RNF152: variants seen among roughly 807,000 people sequenced by gnomAD.
RNF152 encodes E3 ubiquitin-protein ligase RNF152.
Under a neutral mutation model 12.7 loss-of-function variants are expected in RNF152, and 11 were observed. The observed-to-expected ratio is 0.86, with a 90% CI of 0.54 to 1.43. The LOEUF (loss-of-function observed/expected upper bound fraction) is 1.43, where lower values mean the gene tolerates loss of function less well. RNF152 is among the 40% of genes most tolerant of loss of function. The pLI, the probability that RNF152 is intolerant of heterozygous loss-of-function variation, is 0.00. For missense variants in RNF152, 255 were observed against 274.8 expected (o/e 0.93, Z 0.51); for synonymous variants, 113 against 120.3 (o/e 0.94, Z 0.40).
rs766666716 is a variant in RNF152, at chr18:61,816,297, C to T, written c.167G>A (p.Gly56Asp). The T allele has an allele frequency of 9.3e-6, 15 of 1,614,082 alleles. 1 individual carries two copies. The highest frequency in any genetic ancestry group is 4.4e-5 in the South Asian group (4 of 91,076). ...GAAGCCGGGAGGCAGCTTGGTGACACCGCGGCACCAGGGGCACCGCACATC... is the reference window on the plus strand; with the variant it reads ...GAAGCCGGGAGGCAGCTTGGTGACATCGCGGCACCAGGGGCACCGCACATC... ...QKDVRCPWCRGVTKLPPGFSV... is the reference protein window; with the variant it reads ...QKDVRCPWCRDVTKLPPGFSV... The change falls in exon 2 of 2, where the codon GGT becomes GAT. Residue 56 changes from glycine (G) to aspartate (D), a missense_variant. Physicochemically the swap from Gly to Asp is moderately conservative, Grantham distance 94. Coordinates refer to ENST00000312828, the MANE Select transcript of RNF152 (RefSeq NM_173557.3).
At chr18:61,861,221 C>G (rs1376883892) in intron 1 of RNF152, among the ~76,000 whole-genome samples, 1 of 152,222 alleles carries the variant, frequency 6.6e-6, no homozygotes, top group African/African-American at 2.4e-5. Context: ...TCCTGAATCA[C>G]TCAGAGCAAC....
chr18:61,857,425 C>A (rs1399363879), intron 1 of RNF152, among the ~76,000 whole-genome samples: 2 of 152,126 alleles, frequency 1.3e-5, no homozygotes, highest in Non-Finnish European at 2.9e-5. Context: ...TGCTTTAGAA[C>A]CTTTAGGGCC....
At chr18:61,872,021 G>T (rs1185533345) in intron 1 of RNF152, among the ~76,000 whole-genome samples, 1 of 152,158 alleles carries the variant, frequency 6.6e-6, no homozygotes, top group Non-Finnish European at 1.5e-5. Context: ...TCACGGTTCT[G>T]CAGGCTGTAC....
At chr18:61,884,444 CAA>C (rs79002370) in intron 1 of RNF152, among the ~76,000 whole-genome samples, 76,549 of 137,620 alleles carry the variant, frequency 0.56, 19,519 homozygotes, top group East Asian at 0.76. Context: ...TTTGCCATTA[CAA>C]AAAAAAAAAA....
At chr18:61,881,321 A>G (rs1327105377) in intron 1 of RNF152, among the ~76,000 whole-genome samples, 3 of 152,212 alleles carry the variant, frequency 2.0e-5, no homozygotes, top group Non-Finnish European at 4.4e-5. Flanking sequence ...ACCTGGCACT[A>G]AAAAGCCTCA....
chr18:61,842,859 G>C (rs1331851521), intron 1 of RNF152, among the ~76,000 whole-genome samples: 1 of 152,118 alleles, frequency 6.6e-6, no homozygotes, highest in East Asian at 1.9e-4. Context: ...CACAAGAACA[G>C]CACGGGAAAG....
At chr18:61,862,672 T>A (rs963930610) in intron 1 of RNF152, among the ~76,000 whole-genome samples, 3 of 152,140 alleles carry the variant, frequency 2.0e-5, no homozygotes, top group Non-Finnish European at 4.4e-5. Flanking sequence ...TCACCCCACG[T>A]GTCTCTTCAT....
At position 61,827,022 on chromosome 18, in the gene RNF152, A is replaced by G. The variant is rs117083278; in HGVS notation, c.-135-10424T>C. 8.6e-4 allele frequency among the ~76,000 whole-genome samples: 131 copies of G among 152,362 alleles called. 1 individual carries two copies. In the East Asian group the frequency reaches 0.023, roughly 26 times the overall value. ...GTCAAATCTTTCTTCATTCTTTGAAATATGGATCTATTATTTCAACAATAT... is the reference window on the plus strand; with the variant it reads ...GTCAAATCTTTCTTCATTCTTTGAAGTATGGATCTATTATTTCAACAATAT... On this transcript the variant is annotated intron_variant, in intron 1 of 1. Transcript: ENST00000312828.
rs1189649140 is a variant in RNF152 at position 61,810,975 on chromosome 18, T to G, written c.*4877A>C. ...GATAGAAATTGAAGTCTTTTGTGTA[T>G]CACTCCTTTTGCACCGATAACTTTT... On this transcript the variant is annotated 3_prime_UTR_variant, in exon 2 of 2. Transcript: ENST00000312828. 6.6e-6 allele frequency: 1 copy of G among 151,932 alleles called. No individual in the cohort carries two copies. The highest frequency in any genetic ancestry group is 1.5e-5 in the Non-Finnish European group (1 of 68,010). 9.4% of individuals were successfully genotyped at this position (151,932 alleles called of 1,614,324 possible). A position where few individuals can be genotyped will look rare whatever the true frequency, so the allele number is the denominator to read the frequency against.
Position 61,815,039 on chromosome 18 carries a change from C to T in RNF152, c.*813G>A, listed in dbSNP as rs1183346773. On this transcript the variant is annotated 3_prime_UTR_variant, in exon 2 of 2. Transcript: ENST00000312828. ...CACCTGAGGTAAATCAAATTAGACACACACACATACACACACAAATACACA... is the reference window on the plus strand; with the variant it reads ...CACCTGAGGTAAATCAAATTAGACATACACACATACACACACAAATACACA... The T allele has an allele frequency of 6.6e-6, 1 of 152,596 alleles. No homozygotes were observed. Among genetic ancestry groups the T allele is most frequent in the Non-Finnish European group, 1.5e-5 (1 of 68,032 alleles). 9.5% of individuals were successfully genotyped at this position (152,596 alleles called of 1,614,324 possible). A position where few individuals can be genotyped will look rare whatever the true frequency, so the allele number is the denominator to read the frequency against.
At chr18:61,854,106 G>A (rs1021041561) in intron 1 of RNF152, among the ~76,000 whole-genome samples, 5 of 152,092 alleles carry the variant, frequency 3.3e-5, no homozygotes, top group Non-Finnish European at 7.4e-5. Context: ...TTGACTCCCC[G>A]TGACAAGGTG....
chr18:61,863,443 A>C (rs1191908608), intron 1 of RNF152, among the ~76,000 whole-genome samples: 1 of 151,300 alleles, frequency 6.6e-6, no homozygotes, highest in Non-Finnish European at 1.5e-5. Context: ...CAAAAAAAAA[A>C]AAAAAAAAAA....
Position 61,815,306 on chromosome 18 carries a change from T to C in RNF152, c.*546A>G, listed in dbSNP as rs1256172404. On this transcript the variant is annotated 3_prime_UTR_variant, in exon 2 of 2. Transcript: ENST00000312828. Reference sequence around the variant, plus strand: ...CCTCCAAATAAAATGACTGTCCATTTTGACTTATTTTGTTTTGGTGCCATT... The same window carrying C: ...CCTCCAAATAAAATGACTGTCCATTCTGACTTATTTTGTTTTGGTGCCATT... The C allele has an allele frequency of 6.6e-6, 1 of 152,486 alleles. No homozygotes were observed. The highest frequency in any genetic ancestry group is 6.5e-5 in the Admixed American group (1 of 15,288). The allele number at this position is 152,486 out of a possible 1,614,324, so 9.4% of individuals were successfully genotyped here. A position where few individuals can be genotyped will look rare whatever the true frequency, so the allele number is the denominator to read the frequency against.
chr18:61,859,682 C>G (rs1461168601), intron 1 of RNF152, among the ~76,000 whole-genome samples: 1 of 152,110 alleles, frequency 6.6e-6, no homozygotes, highest in African/African-American at 2.4e-5. Context: ...AGTTCAAGAC[C>G]AGACTGGCCA....
At position 61,816,498 on chromosome 18, in the gene RNF152, G is replaced by T. The variant is rs1300742990; in HGVS notation, c.-35C>A. On this transcript the variant is annotated 5_prime_UTR_variant, in exon 2 of 2. Coordinates refer to ENST00000312828, the MANE Select transcript of RNF152 (RefSeq NM_173557.3). Reference sequence around the variant, plus strand: ...TGAGCAGGAAGGGCAAGGCCAAGGTGAAGGGGAAGGAGCTGCTTCTCAGAG... The same window carrying T: ...TGAGCAGGAAGGGCAAGGCCAAGGTTAAGGGGAAGGAGCTGCTTCTCAGAG... 3.2e-6 allele frequency: 5 copies of T among 1,565,508 alleles called. No homozygotes were observed. Among genetic ancestry groups the T allele is most frequent in the Non-Finnish European group, 3.5e-6 (4 of 1,151,988 alleles).
intron 1 of RNF152, among the ~76,000 whole-genome samples, chr18:61,868,719 A>AATAAAT (rs1341617196): frequency 1.3e-5 from 2 of 152,156 alleles, no homozygotes; most frequent in East Asian, 3.8e-4. Context: ...TAAAAATAAA[A>AATAAAT]AAAAATAAGT....
intron 1 of RNF152, among the ~76,000 whole-genome samples, chr18:61,817,008 C>T (rs2144614792): frequency 6.6e-6 from 1 of 152,312 alleles, no homozygotes; most frequent in Non-Finnish European, 1.5e-5. Flanking sequence ...GATCCTCTGA[C>T]CTTTTTTCCT....
chr18:61,885,768 A>C (rs1182353801), intron 1 of RNF152, among the ~76,000 whole-genome samples: 5 of 152,148 alleles, frequency 3.3e-5, no homozygotes, highest in African/African-American at 4.8e-5. Context: ...AAAAAAAGGG[A>C]GGTAAAACAG....
chr18:61,829,889 G>A (rs1909858029), intron 1 of RNF152, among the ~76,000 whole-genome samples: 1 of 152,044 alleles, frequency 6.6e-6, no homozygotes, highest in South Asian at 2.1e-4. Flanking sequence ...CTTCAGGGGG[G>A]CAAGTGTAAC....
Sources: gnomAD v4.1 joint callset for allele counts (sites outside exome capture counted in the v4.1 genomes callset) on GRCh38, gnomAD v4.1.1 for gene constraint, MANE v1.5 for transcripts, NCBI Gene and HGNC (gene_info 2026-07-23, HGNC 2026-07-21) for gene names.